ROBO1: variants seen among roughly 807,000 people sequenced by gnomAD.
ROBO1 encodes the protein roundabout guidance receptor 1.
Under a neutral mutation model 195.9 loss-of-function variants are expected in ROBO1, and 149 were observed. The observed-to-expected ratio is 0.76, with a 90% CI of 0.67 to 0.87. ROBO1 has a LOEUF of 0.87. Among genes scored for constraint, ROBO1 ranks in the 40% least tolerant of loss-of-function variants. ROBO1 has a pLI of 0.00. For missense variants in ROBO1, 1,933 were observed against 2,068.3 expected (o/e 0.93, Z 1.27); for synonymous variants, 816 against 733.2 (o/e 1.11, Z -1.82).
rs150902770 is a variant in ROBO1 at position 79,494,622 on chromosome 3, T to C, written c.88+95202A>G. ...ATGTGAGGAATCCACATAAAACAAATTCAAAAAAGAGCAAAGGCAATTGCA... is the reference window on the plus strand; with the variant it reads ...ATGTGAGGAATCCACATAAAACAAACTCAAAAAAGAGCAAAGGCAATTGCA... On this transcript the variant is annotated intron_variant, in intron 2 of 30. Transcript: ENST00000464233. Among the ~76,000 whole-genome samples, 419 of 151,492 alleles carry C rather than the reference T, an allele frequency of 2.8e-3. 10 individuals are homozygous for C. In the East Asian group the frequency reaches 0.069, roughly 25 times the overall value.
intron 5 of ROBO1, among the ~76,000 whole-genome samples, chr3:78,718,711 T>G (rs1196051971): frequency 6.6e-6 from 1 of 151,518 alleles, no homozygotes; most frequent in Non-Finnish European, 1.5e-5. Flanking sequence ...AGAAAGGTTT[T>G]ATTAGGGAAA....
At chr3:79,361,248 A>G (rs1366479303) in intron 2 of ROBO1, among the ~76,000 whole-genome samples, 1 of 152,010 alleles carries the variant, frequency 6.6e-6, no homozygotes, top group African/African-American at 2.4e-5. Flanking sequence ...TTTTTTCAAT[A>G]TTAGAATTTT....
intron 4 of ROBO1, among the ~76,000 whole-genome samples, chr3:78,783,296 TA>T (rs1438130743): frequency 6.6e-6 from 1 of 152,170 alleles, no homozygotes; most frequent in African/African-American, 2.4e-5. Context: ...TGGAACAATA[TA>T]TTTTTTTAAA....
intron 2 of ROBO1, among the ~76,000 whole-genome samples, chr3:79,332,584 G>T (rs2034492311): frequency 6.6e-6 from 1 of 152,054 alleles, no homozygotes; most frequent in Non-Finnish European, 1.5e-5. Context: ...GAATCATGGC[G>T]AGCATTTGGT....
intron 2 of ROBO1, among the ~76,000 whole-genome samples, chr3:79,570,889 A>G (rs1943256095): frequency 6.6e-6 from 1 of 152,168 alleles, no homozygotes; most frequent in Non-Finnish European, 1.5e-5. Context: ...AATTTTAATA[A>G]GTGAGTACTC....
In ROBO1 at chr3:79,302,072, G is replaced by A. The variant is rs543675853; in HGVS notation, c.89-176533C>T. ...AATGAGAACAGATACACCACATAGG[G>A]TGTATTTTTGGCTAAAGTAAAATGA... On this transcript the variant is annotated intron_variant, in intron 2 of 30. Transcript: ENST00000464233. Among the ~76,000 whole-genome samples, 33 of 152,246 alleles carry A rather than the reference G, an allele frequency of 2.2e-4. No homozygotes were observed. In the East Asian group the frequency reaches 6.4e-3, roughly 30 times the overall value.
At chr3:79,238,318 G>A (rs1393691303) in intron 2 of ROBO1, among the ~76,000 whole-genome samples, 1 of 152,038 alleles carries the variant, frequency 6.6e-6, no homozygotes, top group Non-Finnish European at 1.5e-5. Flanking sequence ...ATCCCATCCT[G>A]CCTCCAAAGT....
chr3:78,936,432 C>T (rs760223898), intron 4 of ROBO1, among the ~76,000 whole-genome samples: 1 of 151,982 alleles, frequency 6.6e-6, no homozygotes, highest in African/African-American at 2.4e-5. Flanking sequence ...AATATCGTAA[C>T]TTTTGAAATA....
rs138589033 is a variant in ROBO1, at chr3:79,611,880, A to C, written c.-50-21919T>G. On this transcript the variant is annotated intron_variant, in intron 1 of 30. Transcript: ENST00000464233. Reference sequence around the variant, plus strand: ...TCTGCATATGTATCCCAGAACTTAAAGTATAACAACAACAACAAAAAAAGA... The same window carrying C: ...TCTGCATATGTATCCCAGAACTTAACGTATAACAACAACAACAAAAAAAGA... 5.4e-3 allele frequency among the ~76,000 whole-genome samples: 820 copies of C among 152,174 alleles called. 11 individuals are homozygous for C. The highest frequency in any genetic ancestry group is 0.018 in the African/African-American group (757 of 41,532).
At chr3:79,512,674 C>G (rs919888966) in intron 2 of ROBO1, 6 of 152,038 alleles carry the variant, frequency 3.9e-5, no homozygotes, top group African/African-American at 1.4e-4. Context: ...TAGAATAATA[C>G]ATTCCAAAAC....
At chr3:78,963,757 T>C (rs1442374649) in intron 3 of ROBO1, among the ~76,000 whole-genome samples, 1 of 152,030 alleles carries the variant, frequency 6.6e-6, no homozygotes, top group African/African-American at 2.4e-5. Context: ...GACCTCGTGA[T>C]CCACCCGCCT....
intron 2 of ROBO1, among the ~76,000 whole-genome samples, chr3:79,289,181 T>TTA (rs1449540872): frequency 6.6e-6 from 1 of 152,154 alleles, no homozygotes; most frequent in Non-Finnish European, 1.5e-5. Context: ...ACATTCTTCC[T>TTA]TATTAAAATA....
At chr3:79,363,457 A>G (rs2035848659) in intron 2 of ROBO1, among the ~76,000 whole-genome samples, 1 of 152,204 alleles carries the variant, frequency 6.6e-6, no homozygotes, top group African/African-American at 2.4e-5. Context: ...AAAATTTTTA[A>G]GAAGTCATTT....
At chr3:78,786,545 C>T (rs947443678) in intron 4 of ROBO1, among the ~76,000 whole-genome samples, 1 of 152,098 alleles carries the variant, frequency 6.6e-6, no homozygotes, top group Non-Finnish European at 1.5e-5. Flanking sequence ...AACTGTAGCT[C>T]CCATAATCTC....
chr3:79,709,214 T>A (rs1239626345), intron 1 of ROBO1, among the ~76,000 whole-genome samples: 1 of 152,180 alleles, frequency 6.6e-6, no homozygotes, highest in East Asian at 1.9e-4. Context: ...GTATCCTACA[T>A]AATCTCATTT....
At chr3:79,604,820 C>T (rs749696698) in intron 1 of ROBO1, among the ~76,000 whole-genome samples, 1 of 151,946 alleles carries the variant, frequency 6.6e-6, no homozygotes, top group Admixed American at 6.6e-5. Flanking sequence ...TTTCTCATCG[C>T]TGCCTTTTGA....
At chr3:78,693,258 G>A in intron 8 of ROBO1, 1 of 1,519,144 alleles carries the variant, frequency 6.6e-7, no homozygotes, top group Non-Finnish European at 8.9e-7. Context: ...TTGGTTGAAG[G>A]ACATGGAAGG....
At chr3:79,470,707 G>A (rs1938226556) in intron 2 of ROBO1, among the ~76,000 whole-genome samples, 1 of 151,972 alleles carries the variant, frequency 6.6e-6, no homozygotes, top group Non-Finnish European at 1.5e-5. Context: ...GGTTTTATAA[G>A]TGGTAAAAGA....
chr3:78,692,761 A>C (rs1324600364), intron 8 of ROBO1: 1 of 152,162 alleles, frequency 6.6e-6, no homozygotes, highest in African/African-American at 2.4e-5. Flanking sequence ...ATATGGGGAC[A>C]AATGTTTATC....
Sources: allele counts gnomAD v4.1 joint callset (sites outside exome capture counted in the v4.1 genomes callset), GRCh38; gene constraint gnomAD v4.1.1; transcripts MANE v1.5; gene names NCBI Gene and HGNC (gene_info 2026-07-23, HGNC 2026-07-21).